THADA: variants seen among roughly 807,000 people sequenced by gnomAD.
THADA encodes the protein THADA armadillo repeat containing, also known as tRNA (32-2'-O)-methyltransferase regulator THADA.
A neutral mutation model predicts 219.8 loss-of-function variants in THADA; 213 were observed. That is an observed-to-expected ratio of 0.97 (90% CI 0.87 to 1.09). The LOEUF (loss-of-function observed/expected upper bound fraction) is 1.09. Among genes scored for constraint, THADA ranks in the 50% least tolerant of loss-of-function variants. The pLI, the probability that THADA is intolerant of heterozygous loss-of-function variation, is 0.00. For missense variants in THADA, 2,956 were observed against 2,311.3 expected (o/e 1.28, Z -5.72); for synonymous variants, 1,018 against 828.9 (o/e 1.23, Z -3.92).
chr2:43,257,382 A>G (rs1428645964), intron 36 of THADA, among the ~76,000 whole-genome samples: 1 of 152,230 alleles, frequency 6.6e-6, no homozygotes, highest in Non-Finnish European at 1.5e-5. Flanking sequence ...CTCACTGCAT[A>G]GGAGTCAGGC....
chr2:43,591,760 T>A (rs778650440), intron 3 of THADA, among the ~76,000 whole-genome samples, 192 bp downstream of exon 3: 23 of 152,146 alleles, frequency 1.5e-4, no homozygotes, highest in Non-Finnish European at 3.2e-4. Context: ...ATGATAGAAG[T>A]CTGAATATGG....
rs76543031 is a variant in THADA at position 43,354,727 on chromosome 2, A to G, written c.4228-10490T>C. ...GCCTGAACAGTACTGCATTGTGTAT[A>G]TGGACTACATTTTCTTTACCATTTG... is the stretch of plus-strand genomic sequence containing the variant. On this transcript the variant is annotated intron_variant, in intron 29 of 37. Coordinates refer to ENST00000405975, the MANE Select transcript of THADA (RefSeq NM_022065.5). Among the ~76,000 whole-genome samples the G allele has an allele frequency of 2.5e-3, 376 of 152,242 alleles. 2 individuals carry two copies. The highest frequency in any genetic ancestry group is 5.8e-3 in the Admixed American group (88 of 15,300).
At chr2:43,418,223 T>C (rs1677248784) in intron 28 of THADA, among the ~76,000 whole-genome samples, 1 of 152,226 alleles carries the variant, frequency 6.6e-6, no homozygotes, top group Admixed American at 6.5e-5. Context: ...CTACTCTCTC[T>C]GGGCCTTGGC....
chr2:43,230,861 T>G lies in THADA; in HGVS notation c.*87A>C. Reference sequence around the variant, plus strand: ...TAGGGGAGGCATGAATGGGATAAAATTTTTGAATTTATGTTCAACATGTTT... The same window carrying G: ...TAGGGGAGGCATGAATGGGATAAAAGTTTTGAATTTATGTTCAACATGTTT... On this transcript the variant is annotated 3_prime_UTR_variant, in exon 38 of 38. Coordinates refer to ENST00000405975, the MANE Select transcript of THADA (RefSeq NM_022065.5). The G allele has an allele frequency of 6.9e-7, 1 of 1,454,776 alleles. No homozygotes were observed. The highest frequency in any genetic ancestry group is 9.2e-7 in the Non-Finnish European group (1 of 1,088,396). 90.1% of individuals were successfully genotyped at this position (1,454,776 alleles called of 1,614,324 possible).
At chr2:43,424,685 G>A (rs1464958327) in intron 28 of THADA, among the ~76,000 whole-genome samples, 1 of 152,196 alleles carries the variant, frequency 6.6e-6, no homozygotes, top group Admixed American at 6.5e-5. Context: ...CACCTCGCCA[G>A]TGAACATTTT....
chr2:43,381,431 A>T (rs1489809320), intron 29 of THADA, among the ~76,000 whole-genome samples: 1 of 152,138 alleles, frequency 6.6e-6, no homozygotes, highest in East Asian at 1.9e-4. Flanking sequence ...TCCTTCTCCC[A>T]AGCCCCTGAG....
chr2:43,572,593 T>G (rs1699416999), intron 12 of THADA, among the ~76,000 whole-genome samples: 1 of 152,190 alleles, frequency 6.6e-6, no homozygotes, highest in South Asian at 2.1e-4. Context: ...TTCTAAGAGT[T>G]TCCAGTTGTT....
At chr2:43,549,402 G>A in intron 19 of THADA, 34 bp from the exon 20 acceptor site, 5 of 1,569,792 alleles carry the variant, frequency 3.2e-6, no homozygotes, top group Non-Finnish European at 4.3e-6. Context: ...ATGAAACCCA[G>A]TAACACATCA....
chr2:43,351,229 C>T (rs1332237517), intron 29 of THADA, among the ~76,000 whole-genome samples: 1 of 152,204 alleles, frequency 6.6e-6, no homozygotes, highest in Non-Finnish European at 1.5e-5. Context: ...CCATCAATGA[C>T]TTTCAACCTC....
chr2:43,318,104 A>C (rs980906889), intron 31 of THADA, among the ~76,000 whole-genome samples: 1 of 152,100 alleles, frequency 6.6e-6, no homozygotes, highest in Admixed American at 6.6e-5. Context: ...CAATGGCATG[A>C]TCATAGCTCA....
intron 20 of THADA, among the ~76,000 whole-genome samples, chr2:43,548,680 G>T (rs1696366782): frequency 6.6e-6 from 1 of 152,326 alleles, no homozygotes; most frequent in South Asian, 2.1e-4. Flanking sequence ...GCCAGGTGCG[G>T]GATATAATCT....
At chr2:43,585,503 A>C (rs1433221794) in intron 7 of THADA, among the ~76,000 whole-genome samples, 1 of 149,816 alleles carries the variant, frequency 6.7e-6, no homozygotes, top group Non-Finnish European at 1.5e-5. Flanking sequence ...GGGTAACAGA[A>C]TGAGACCCTG....
intron 36 of THADA, among the ~76,000 whole-genome samples, chr2:43,271,160 T>G (rs1022924696): frequency 1.3e-5 from 2 of 152,188 alleles, no homozygotes; most frequent in African/African-American, 2.4e-5. Flanking sequence ...GCCGGCCCTG[T>G]GCTAGGCATG....
At chr2:43,523,388 T>A (rs1057316556) in intron 22 of THADA, among the ~76,000 whole-genome samples, 3 of 152,134 alleles carry the variant, frequency 2.0e-5, no homozygotes, top group African/African-American at 4.8e-5. Flanking sequence ...AAATTAAAAA[T>A]AAAGTTTACA....
At chr2:43,580,212 T>A (rs2104084405) in intron 8 of THADA, among the ~76,000 whole-genome samples, 1 of 151,300 alleles carries the variant, frequency 6.6e-6, no homozygotes, top group South Asian at 2.1e-4. Flanking sequence ...TGTATTTTAG[T>A]TTTTTAGTAT....
At chr2:43,247,646 T>C (rs1669289603) in intron 36 of THADA, among the ~76,000 whole-genome samples, 1 of 145,756 alleles carries the variant, frequency 6.9e-6, no homozygotes, top group Non-Finnish European at 1.5e-5. Context: ...CGAGAATCGC[T>C]TGAACCCAGG....
intron 21 of THADA, among the ~76,000 whole-genome samples, chr2:43,528,264 G>A (rs1478355849): frequency 6.6e-6 from 1 of 150,904 alleles, no homozygotes; most frequent in Non-Finnish European, 1.5e-5. Context: ...CCAAGTAGCT[G>A]GGATTACAGG....
intron 22 of THADA, among the ~76,000 whole-genome samples, chr2:43,522,813 A>G (rs186561120): frequency 8.1e-4 from 123 of 152,298 alleles, no homozygotes; most frequent in Admixed American, 1.9e-3. Flanking sequence ...TTAATCCACA[A>G]TAGAAAAGGG....
chr2:43,233,772 C>G (rs1468919157), intron 36 of THADA, among the ~76,000 whole-genome samples: 1 of 152,100 alleles, frequency 6.6e-6, no homozygotes, highest in Admixed American at 6.5e-5. Context: ...TGTCACTTCC[C>G]CTAACAACTC....
Sources: allele counts gnomAD v4.1 joint callset (sites outside exome capture counted in the v4.1 genomes callset), GRCh38; gene constraint gnomAD v4.1.1; transcripts MANE v1.5; gene names NCBI Gene and HGNC (gene_info 2026-07-23, HGNC 2026-07-21).